GUCY2F: variants seen among roughly 807,000 people sequenced by gnomAD.
The protein encoded by GUCY2F is guanylate cyclase 2F, retinal, also known as retinal guanylyl cyclase 2.
GUCY2F carries 61 observed loss-of-function variants against 73.1 expected under a neutral mutation model. The ratio of observed to expected loss-of-function variants is 0.83; its 90% CI spans 0.68 to 1.03. The LOEUF is 1.03. Among genes scored for constraint, GUCY2F ranks in the 50% least tolerant of loss-of-function variants. GUCY2F has a pLI of 0.00. For missense variants in GUCY2F, 912 were observed against 854.3 expected (o/e 1.07, Z -0.84); for synonymous variants, 331 against 307.8 (o/e 1.08, Z -0.79).
intron 9 of GUCY2F, among the ~76,000 whole-genome samples, chrX:109,408,052 A>C (rs904547694): frequency 8.9e-6 from 1 of 111,958 alleles, no homozygotes; most frequent in African/African-American, 3.3e-5. Context: ...GTGCACCTGG[A>C]AAAGCCACAC....
intron 11 of GUCY2F, among the ~76,000 whole-genome samples, chrX:109,397,381 G>A (rs748210442): frequency 1.8e-5 from 2 of 111,617 alleles, no homozygotes; most frequent in Admixed American, 1.9e-4. Flanking sequence ...GAGGAATAAT[G>A]TGGAACCCTG....
At position 109,388,512 on chromosome X, in the gene GUCY2F, C is replaced by T. The variant is rs141602585; in HGVS notation, c.2933G>A (p.Arg978Gln). Reference protein sequence around the residue: ...KMRHMPEVPVRIRIGLHSGPV... With the variant: ...KMRHMPEVPVQIRIGLHSGPV... ...ACCTGAGTGAAGGCCAATTCGAATT[C>T]GGACCGGCACTTCTGGCATGTGCCG... The change falls in exon 15 of 20, where the codon CGA becomes CAA. Residue 978 changes from arginine (R) to glutamine (Q), a missense_variant. Physicochemically the swap from Arg to Gln is conservative, Grantham distance 43. Transcript: ENST00000218006. The T allele has an allele frequency of 7.0e-4, 843 of 1,204,796 alleles. 5 individuals carry two copies. In the Admixed American group the frequency reaches 0.017, roughly 25 times the overall value.
At chrX:109,417,267 T>A (rs979886770) in intron 8 of GUCY2F, among the ~76,000 whole-genome samples, 11 of 111,713 alleles carry the variant, frequency 9.8e-5, no homozygotes, top group Non-Finnish European at 1.7e-4. Context: ...TATGAATGTT[T>A]AAAACAAATT....
chrX:109,438,932 G>C (rs1430883944), intron 7 of GUCY2F, among the ~76,000 whole-genome samples: 1 of 112,729 alleles, frequency 8.9e-6, no homozygotes, highest in East Asian at 2.8e-4. Flanking sequence ...TGTTCTAATG[G>C]GGACTCTCTG....
chrX:109,373,215 TTAAC>T (rs914798138), intron 19 of GUCY2F, among the ~76,000 whole-genome samples: 4 of 112,133 alleles, frequency 3.6e-5, no homozygotes, highest in African/African-American at 1.3e-4. Context: ...TTTTACAAAT[TTAAC>T]AAAAAAGAGA....
intron 1 of GUCY2F, among the ~76,000 whole-genome samples, chrX:109,481,526 G>A (rs1932765211): frequency 9.0e-6 from 1 of 111,730 alleles, no homozygotes; most frequent in Non-Finnish European, 1.9e-5. Flanking sequence ...TTGTCAAGCC[G>A]AGGACTTCTA....
At chrX:109,412,250 G>T (rs1048159169) in intron 8 of GUCY2F, among the ~76,000 whole-genome samples, 2 of 111,872 alleles carry the variant, frequency 1.8e-5, no homozygotes, top group African/African-American at 6.5e-5. Flanking sequence ...CTTGTGTGGG[G>T]AGGGGAGGAA....
chrX:109,448,020 T>A, intron 6 of GUCY2F, 49 bp downstream of exon 6: 1 of 616,828 alleles, frequency 1.6e-6, no homozygotes, highest in Non-Finnish European at 2.7e-6. Context: ...ATTTGTGGCT[T>A]GTGGCTACCA....
At chrX:109,453,013 C>A (rs2147277313) in intron 4 of GUCY2F, among the ~76,000 whole-genome samples, 1 of 111,826 alleles carries the variant, frequency 8.9e-6, no homozygotes, top group East Asian at 2.8e-4. Context: ...ACACAAGAAA[C>A]AATTGAAAAG....
At chrX:109,445,155 G>T (rs1931971444) in intron 6 of GUCY2F, among the ~76,000 whole-genome samples, 1 of 111,364 alleles carries the variant, frequency 9.0e-6, no homozygotes, top group Non-Finnish European at 1.9e-5. Context: ...ACAAGGCCTA[G>T]CCCCAGGGGT....
intron 2 of GUCY2F, among the ~76,000 whole-genome samples, chrX:109,466,866 C>A (rs767957637): frequency 2.7e-5 from 3 of 112,217 alleles, no homozygotes; most frequent in Non-Finnish European, 5.6e-5. Flanking sequence ...TTGCTAAGCA[C>A]CCCTAGAAAG....
chrX:109,438,357 T>G (rs73530232), intron 7 of GUCY2F, among the ~76,000 whole-genome samples: 6,506 of 112,259 alleles, frequency 0.058, 431 homozygotes, highest in African/African-American at 0.19. Flanking sequence ...ATTCACAAAG[T>G]AGAAGCCCTT....
chrX:109,437,592 A>C, intron 7 of GUCY2F, among the ~76,000 whole-genome samples: 1 of 112,741 alleles, frequency 8.9e-6, no homozygotes, highest in Non-Finnish European at 1.9e-5. Flanking sequence ...TAGACCAGCA[A>C]TTCTCAACCC....
At position 109,392,071 on chromosome X, in the gene GUCY2F, G is replaced by A; in HGVS notation, c.2621C>T (p.Thr874Ile). 2 of 1,205,339 alleles carry A rather than the reference G, an allele frequency of 1.7e-6. No homozygotes were observed. Among genetic ancestry groups the A allele is most frequent in the African/African-American group, 3.5e-5 (2 of 57,530 alleles). The change falls in exon 14 of 20, where the codon ACA (threonine) becomes ATA (isoleucine). Residue 874 changes from threonine (T) to isoleucine (I), a missense_variant. By Grantham distance (89) the Thr-to-Ile change is moderately conservative. Transcript: ENST00000218006. Reference protein sequence around the residue: ...SVAESLKKGCTVEPEGFDLVT... With the variant: ...SVAESLKKGCIVEPEGFDLVT... The stretch of plus-strand genomic sequence containing the variant: ...CAAGTCAAAGCCCTCAGGTTCAACT[G>A]TGCAGCCCTTTTTGAGAGATTCAGC...
At chrX:109,449,235 G>GT (rs1249840751) in intron 5 of GUCY2F, among the ~76,000 whole-genome samples, 1 of 112,340 alleles carries the variant, frequency 8.9e-6, no homozygotes, top group East Asian at 2.8e-4. Context: ...GCAGCTTTAA[G>GT]TATCAGCAAC....
intron 17 of GUCY2F, among the ~76,000 whole-genome samples, chrX:109,379,763 C>A (rs1443673651): frequency 8.9e-6 from 1 of 112,375 alleles, no homozygotes; most frequent in African/African-American, 3.2e-5. Flanking sequence ...CACTAGCCCA[C>A]AAGGCGAGAA....
At chrX:109,463,218 T>C (rs1932397686) in intron 3 of GUCY2F, among the ~76,000 whole-genome samples, 1 of 111,178 alleles carries the variant, frequency 9.0e-6, no homozygotes, top group African/African-American at 3.3e-5. Context: ...TCAGACACAA[T>C]CAACTGCCTA....
In GUCY2F at chrX:109,452,059, G is replaced by T. The variant is rs375437578; in HGVS notation, c.1436C>A (p.Ala479Asp). The change falls in exon 5 of 20, where the codon GCC (alanine) becomes GAC (aspartate). Residue 479 changes from alanine to aspartate, a missense_variant. By Grantham distance (126) the Ala-to-Asp change is moderately radical. Coordinates refer to ENST00000218006, the MANE Select transcript of GUCY2F (RefSeq NM_001522.3). ...AMMVCLTLLI[A>D]LLSINGFAYF... ...AGCAAATCCATTAATAGACAGCAGG[G>T]CTATAAGCAAAGTAAGGCAGACCAT... 2 of 1,121,169 alleles carry T rather than the reference G, an allele frequency of 1.8e-6. No homozygotes were observed. Among genetic ancestry groups the T allele is most frequent in the Admixed American group, 2.2e-5 (1 of 45,800 alleles). 92.4% of individuals were successfully genotyped at this position (1,121,169 alleles called of 1,213,427 possible). A position where few individuals can be genotyped will look rare whatever the true frequency, so the allele number is the denominator to read the frequency against.
intron 3 of GUCY2F, among the ~76,000 whole-genome samples, chrX:109,464,216 G>A (rs1285357726): frequency 1.8e-5 from 2 of 111,037 alleles, no homozygotes; most frequent in African/African-American, 6.6e-5. Context: ...CATATTCCTC[G>A]TCTTCTTTGT....
Sources: allele counts gnomAD v4.1 joint callset (sites outside exome capture counted in the v4.1 genomes callset), GRCh38; gene constraint gnomAD v4.1.1; transcripts MANE v1.5; gene names NCBI Gene and HGNC (gene_info 2026-07-23, HGNC 2026-07-21).